Variants in ANK3 observed in about 807,000 individuals in gnomAD.
ANK3 encodes the protein ankyrin 3.
In ANK3, 57 loss-of-function variants were observed where a neutral mutation model predicts 370.9. The ratio of observed to expected loss-of-function variants is 0.15; its 90% confidence interval spans 0.12 to 0.19. ANK3 has a LOEUF of 0.19. Among genes scored for constraint, ANK3 ranks in the 10% least tolerant of loss-of-function variants. The probability of loss-of-function intolerance (pLI) is 1.00; values close to 1 mark genes in which losing one functional copy is unlikely to be tolerated. For synonymous variants in ANK3, 1,929 were observed against 1,946.3 expected, an observed-to-expected ratio of 0.99 and a Z score of 0.23; for missense variants, 4,439 against 5,302.1, an observed-to-expected ratio of 0.84 and a Z score of 5.06.
At chr10:60,652,957 T>C (rs901706591) in intron 1 of ANK3, among the ~76,000 whole-genome samples, 1 of 152,176 alleles carries the variant, frequency 6.6e-6, no homozygotes, top group Non-Finnish European at 1.5e-5. Flanking sequence ...GAGCCTCTCC[T>C]GATGTGTTTA....
At chr10:60,543,796 A>C (rs1286712004) in intron 2 of ANK3, among the ~76,000 whole-genome samples, 2 of 152,038 alleles carry the variant, frequency 1.3e-5, no homozygotes, top group African/African-American at 4.8e-5. Context: ...CCACCTACTT[A>C]ATTACAATTG....
In ANK3 at chr10:60,728,491, T is replaced by A. The variant is rs1001813468; in HGVS notation, c.57+4772A>T. Among the ~76,000 whole-genome samples, 3 of 152,252 alleles carry A rather than the reference T, an allele frequency of 2.0e-5. No individual in the cohort carries two copies. The East Asian group carries it at 5.8e-4, about 29-fold the overall frequency. On this transcript the variant is annotated intron_variant, in intron 1 of 43. Coordinates refer to the ANK3 transcript ENST00000373827. ...TGGAAAATTATTCTAACATTAGGAA[T>A]TCCAATGTGAGGGAAAAAGTGTTTC...
At chr10:60,065,026 A>G (rs2081361678) in intron 38 of ANK3, among the ~76,000 whole-genome samples, 1 of 152,200 alleles carries the variant, frequency 6.6e-6, no homozygotes, top group Non-Finnish European at 1.5e-5. Context: ...AGCAATCTTC[A>G]TGAAGGTATC....
chr10:60,524,055 CT>C (rs2076412483), intron 2 of ANK3, among the ~76,000 whole-genome samples: 2 of 152,022 alleles, frequency 1.3e-5, no homozygotes, highest in African/African-American at 4.8e-5. Flanking sequence ...CATTCTATTC[CT>C]TCTGGCCTCT....
chr10:60,602,822 C>T (rs1048547189), intron 2 of ANK3, among the ~76,000 whole-genome samples: 1 of 152,100 alleles, frequency 6.6e-6, no homozygotes, highest in African/African-American at 2.4e-5. Context: ...TGGTGTTAGA[C>T]CCTCTCCTAG....
intron 2 of ANK3, among the ~76,000 whole-genome samples, chr10:60,408,314 A>G (rs1336455463): frequency 6.6e-6 from 1 of 152,000 alleles, no homozygotes; most frequent in Non-Finnish European, 1.5e-5. Context: ...AGGTGATTGG[A>G]TCATGGGGAC....
At chr10:60,198,636 C>A in intron 13 of ANK3, 99 bp from the exon 14 acceptor site, 1 of 1,094,706 alleles carries the variant, frequency 9.1e-7, no homozygotes, top group Non-Finnish European at 1.4e-6. Context: ...GTAAGAGGTA[C>A]AATCAACTTT....
intron 1 of ANK3, among the ~76,000 whole-genome samples, chr10:60,326,418 A>G (rs182159275): frequency 4.6e-5 from 7 of 152,312 alleles, no homozygotes; most frequent in Middle Eastern, 3.4e-3. Context: ...AACAATTTTC[A>G]GTGAGAGCCC....
intron 23 of ANK3, among the ~76,000 whole-genome samples, chr10:60,146,331 G>A (rs534785056): frequency 9.8e-4 from 150 of 152,310 alleles, no homozygotes; most frequent in African/African-American, 2.8e-3. Context: ...TCAGGGGTAC[G>A]TGTGCAGGTT....
chr10:60,351,985 T>C (rs536450720), intron 1 of ANK3, among the ~76,000 whole-genome samples: 1 of 152,322 alleles, frequency 6.6e-6, no homozygotes, highest in African/African-American at 2.4e-5. Flanking sequence ...CTCATGTTCA[T>C]TTGAATTCTG....
At position 60,073,656 on chromosome 10, in the gene ANK3, A is replaced by G. The variant is rs148904927; in HGVS notation, c.7225T>C (p.Ser2409Pro). The change falls in exon 37 of 44, where the codon TCT becomes CCT. Residue 2409 changes from serine to proline, a missense_variant. Coordinates refer to ENST00000280772, the MANE Select transcript of ANK3 (RefSeq NM_020987.5). ...GACACAGGAGTGTTTACTCTGGAAG[A>G]CTCCAGATAAGAAGGCAATGACTCT... ...AEESLPSYLE[S>P]SRVNTPVSQE... is the part of the protein sequence containing the mutation. 9,047 of 1,613,618 alleles carry G rather than the reference A, an allele frequency of 5.6e-3. 32 individuals are homozygous for G. The highest frequency in any genetic ancestry group is 0.011 in the Middle Eastern group (65 of 6,060).
chr10:60,395,552 C>CTTTCTTTCTTTCTTTCTTTCT (rs1555367067), intron 2 of ANK3, among the ~76,000 whole-genome samples: 666 of 50,092 alleles, frequency 0.013, 16 homozygotes, highest in Non-Finnish European at 0.02. Context: ...TACTATGCCT[C>CTTTCTTTCTTTCTTTCTTTCT]TTTCTTTCTT....
intron 1 of ANK3, among the ~76,000 whole-genome samples, chr10:60,293,171 T>C (rs1226488766): frequency 6.6e-6 from 1 of 152,256 alleles, no homozygotes. Context: ...CATAATCTAT[T>C]CTTCCTTGTT....
chr10:60,377,798 A>G (rs1474573897), intron 1 of ANK3, among the ~76,000 whole-genome samples: 1 of 152,202 alleles, frequency 6.6e-6, no homozygotes, highest in African/African-American at 2.4e-5. Context: ...TAATAGTGAT[A>G]AAAAGCAATT....
At chr10:60,067,402 A>T (rs1485286388) in intron 38 of ANK3, among the ~76,000 whole-genome samples, 1 of 152,226 alleles carries the variant, frequency 6.6e-6, no homozygotes, top group Non-Finnish European at 1.5e-5. Flanking sequence ...CAGAAAAGTG[A>T]GTTTACTTAA....
chr10:60,180,868 C>T (rs1003298721), intron 18 of ANK3, among the ~76,000 whole-genome samples: 5 of 151,900 alleles, frequency 3.3e-5, no homozygotes, highest in South Asian at 2.1e-4. Flanking sequence ...CACGCATGAC[C>T]GCACAGACCA....
intron 2 of ANK3, among the ~76,000 whole-genome samples, chr10:60,478,947 T>C (rs2075141727): frequency 1.3e-5 from 2 of 151,972 alleles, no homozygotes; most frequent in Non-Finnish European, 2.9e-5. Flanking sequence ...ACGAACACGG[T>C]GGTTATTTTT....
At chr10:60,218,097 CTTTTTT>C (rs199989242) in intron 8 of ANK3, among the ~76,000 whole-genome samples, 166 of 126,168 alleles carry the variant, frequency 1.3e-3, no homozygotes, top group African/African-American at 4.3e-3. Flanking sequence ...CTTTTTCTTT[CTTTTTT>C]TTTTTTTTTT....
intron 25 of ANK3, among the ~76,000 whole-genome samples, chr10:60,119,182 C>T (rs2093313368): frequency 6.6e-6 from 1 of 152,122 alleles, no homozygotes; most frequent in African/African-American, 2.4e-5. Flanking sequence ...ATTTTAATAA[C>T]CTAAATACAG....
Sources: allele counts gnomAD v4.1 joint callset (sites outside exome capture counted in the v4.1 genomes callset), GRCh38; gene constraint gnomAD v4.1.1; transcripts MANE v1.5; gene names NCBI Gene and HGNC (gene_info 2026-07-23, HGNC 2026-07-21).